The following FSTL4 variants were observed in gnomAD, a reference collection of about 807,000 sequenced individuals.
FSTL4 encodes follistatin-related protein 4.
A neutral mutation model predicts 78.2 loss-of-function variants in FSTL4; 28 were observed. The observed-to-expected ratio is 0.36, with a 90% CI of 0.27 to 0.49. FSTL4 has a LOEUF of 0.49. Ranked by LOEUF, FSTL4 falls within the 20% of genes least tolerant of loss-of-function variation. FSTL4 has a pLI of 0.98. For missense variants in FSTL4, 922 were observed against 1,084.9 expected (o/e 0.85, Z 2.11); for synonymous variants, 422 against 440.5 (o/e 0.96, Z 0.53).
chr5:133,425,197 T>G (rs762210228), intron 3 of FSTL4, among the ~76,000 whole-genome samples: 5 of 151,792 alleles, frequency 3.3e-5, no homozygotes, highest in African/African-American at 7.3e-5. Context: ...TTGTAAATCT[T>G]TTTAACATTA....
At chr5:133,687,758 A>G in the FSTL4 span, among the ~76,000 whole-genome samples, 6 of 152,240 alleles carry the variant, frequency 3.9e-5, no homozygotes, top group South Asian at 6.2e-4. Context: ...AGAGATCCAA[A>G]ATAGTAGTAG....
rs144336591 is a variant in FSTL4, at chr5:133,576,415, C to T, written c.127-9196G>A. Reference sequence around the variant, plus strand: ...GGGAAAATATTGGCTATGTGGGTTACGAAAGTGGGGGATCAAAAGCAACCA... The same window carrying T: ...GGGAAAATATTGGCTATGTGGGTTATGAAAGTGGGGGATCAAAAGCAACCA... On this transcript the variant is annotated intron_variant, in intron 2 of 15. Coordinates refer to ENST00000265342, the MANE Select transcript of FSTL4 (RefSeq NM_015082.2). 7.8e-3 allele frequency among the ~76,000 whole-genome samples: 1,191 copies of T among 152,170 alleles called. 14 individuals carry two copies. Among genetic ancestry groups the T allele is most frequent in the African/African-American group, 0.026 (1,067 of 41,490 alleles).
the FSTL4 span, among the ~76,000 whole-genome samples, chr5:133,669,868 AG>A: frequency 3.3e-5 from 5 of 152,166 alleles, no homozygotes; most frequent in Non-Finnish European, 7.4e-5. Context: ...CTGAAGTGCT[AG>A]GCTGAGCCTC....
intron 6 of FSTL4, among the ~76,000 whole-genome samples, chr5:133,280,914 C>T (rs1752993347): frequency 6.6e-6 from 1 of 152,174 alleles, no homozygotes. Flanking sequence ...GGTGCCCTAC[C>T]CATAACTACC....
chr5:133,376,901 A>AAG (rs1279864161), intron 4 of FSTL4, among the ~76,000 whole-genome samples: 5 of 150,842 alleles, frequency 3.3e-5, no homozygotes, highest in African/African-American at 1.2e-4. Flanking sequence ...AAAAAAAAAA[A>AAG]AAAAGAAAAT....
intron 3 of FSTL4, among the ~76,000 whole-genome samples, chr5:133,442,264 T>C (rs1757174899): frequency 6.6e-6 from 1 of 152,218 alleles, no homozygotes; most frequent in Non-Finnish European, 1.5e-5. Flanking sequence ...CTCCTTCTAT[T>C]AGGTTACACG....
chr5:133,424,888 T>G (rs1349143356), intron 3 of FSTL4, among the ~76,000 whole-genome samples: 29 of 152,234 alleles, frequency 1.9e-4, no homozygotes, highest in Non-Finnish European at 1.5e-5. Context: ...GCACTTAGCA[T>G]GGTTCCTGGT....
chr5:133,483,755 AG>A (rs1367346224), intron 3 of FSTL4, among the ~76,000 whole-genome samples: 1 of 152,144 alleles, frequency 6.6e-6, no homozygotes, highest in African/African-American at 2.4e-5. Context: ...GCCTCTGGGT[AG>A]GGGCAGAACA....
the FSTL4 span, among the ~76,000 whole-genome samples, chr5:133,622,059 C>A: frequency 2.0e-5 from 3 of 152,174 alleles, no homozygotes; most frequent in South Asian, 2.1e-4. Context: ...CTCCCTCCCC[C>A]CTTATCCCTA....
At chr5:133,628,326 C>G in the FSTL4 span, among the ~76,000 whole-genome samples, 6,981 of 151,538 alleles carry the variant, frequency 0.046, 492 homozygotes, top group African/African-American at 0.16. Flanking sequence ...GCATCAGGAG[C>G]TGATTTTTTT....
At chr5:133,670,249 C>T in the FSTL4 span, among the ~76,000 whole-genome samples, 1 of 152,222 alleles carries the variant, frequency 6.6e-6, no homozygotes, top group African/African-American at 2.4e-5. Context: ...GGTAAAAGTA[C>T]TGCCAGGCTG....
chr5:133,439,193 C>A (rs1757099931), intron 3 of FSTL4, among the ~76,000 whole-genome samples: 1 of 152,202 alleles, frequency 6.6e-6, no homozygotes, highest in Non-Finnish European at 1.5e-5. Context: ...GTGGGGTGGA[C>A]AGGGTGGACA....
chr5:133,220,634 C>T (rs151134685), intron 12 of FSTL4, 114 bp downstream of exon 12: 4 of 720,722 alleles, frequency 5.5e-6, no homozygotes, highest in Non-Finnish European at 1.0e-5. Context: ...TTTGGAACCA[C>T]ACCACATATA....
At chr5:133,410,633 C>T (rs1756460122) in intron 3 of FSTL4, among the ~76,000 whole-genome samples, 1 of 152,190 alleles carries the variant, frequency 6.6e-6, no homozygotes, top group African/African-American at 2.4e-5. Flanking sequence ...CATACAAGGG[C>T]CGCCCCGGTC....
At chr5:133,213,426 AT>A (rs1750807379) in intron 13 of FSTL4, among the ~76,000 whole-genome samples, 1 of 152,262 alleles carries the variant, frequency 6.6e-6, no homozygotes, top group African/African-American at 2.4e-5. Context: ...GTGTGGGTGA[AT>A]ATAAATTAAT....
At chr5:133,310,455 A>G (rs565983746) in intron 6 of FSTL4, among the ~76,000 whole-genome samples, 6 of 152,176 alleles carry the variant, frequency 3.9e-5, no homozygotes, top group Non-Finnish European at 7.3e-5. Context: ...TTACTAGGGA[A>G]GCTGGAGAGG....
chr5:133,695,370 T>C, the FSTL4 span, among the ~76,000 whole-genome samples: 3 of 152,100 alleles, frequency 2.0e-5, no homozygotes, highest in African/African-American at 4.8e-5. Flanking sequence ...ACCCACACTA[T>C]AAGCTCAAAG....
chr5:133,380,360 A>G (rs544590215), intron 4 of FSTL4, among the ~76,000 whole-genome samples: 1 of 152,104 alleles, frequency 6.6e-6, no homozygotes, highest in African/African-American at 2.4e-5. Context: ...GGATGATATT[A>G]CTACTGACTT....
intron 4 of FSTL4, among the ~76,000 whole-genome samples, chr5:133,391,403 A>T (rs1258913940): frequency 6.6e-6 from 1 of 151,958 alleles, no homozygotes; most frequent in Non-Finnish European, 1.5e-5. Flanking sequence ...AGCCACCGGC[A>T]CCCCTCCTGT....
Sources: allele counts gnomAD v4.1 joint callset (sites outside exome capture counted in the v4.1 genomes callset), GRCh38; gene constraint gnomAD v4.1.1; transcripts MANE v1.5; gene names NCBI Gene and HGNC (gene_info 2026-07-23, HGNC 2026-07-21).